NPNT: variants seen among roughly 807,000 people sequenced by gnomAD.
NPNT encodes preosteoblast EGF-like repeat protein with MAM domain.
A neutral mutation model predicts 68.6 loss-of-function variants in NPNT; 45 were observed. That is an observed-to-expected ratio of 0.66 (90% CI 0.52 to 0.84). NPNT has a LOEUF of 0.84. NPNT is among the 40% of genes least tolerant of loss of function. The pLI, the probability that NPNT is intolerant of heterozygous loss-of-function variation, is 0.00. For missense variants in NPNT, 672 were observed against 714.8 expected, an observed-to-expected ratio of 0.94 and a Z score of 0.68; for synonymous variants, 233 against 253.3, an observed-to-expected ratio of 0.92 and a Z score of 0.76.
At chr4:105,958,433 A>G in intron 8 of NPNT, 38 bp from the exon 9 acceptor site, 2 of 1,230,030 alleles carry the variant, frequency 1.6e-6, no homozygotes, top group Non-Finnish European at 2.4e-6. Flanking sequence ...TACTTCACAC[A>G]CACACACACA....
chr4:105,968,159 G>C (rs556910559), intron 11 of NPNT, among the ~76,000 whole-genome samples: 19 of 152,174 alleles, frequency 1.2e-4, no homozygotes, highest in African/African-American at 4.1e-4. Flanking sequence ...CCTGTATGTA[G>C]GTATAGTTTA....
rs73836924 is a variant in NPNT, at chr4:105,958,422, A to G, written c.1160-49A>G. On this transcript the variant is annotated intron_variant, in intron 8 of 11. Coordinates refer to ENST00000379987, the MANE Select transcript of NPNT (RefSeq NM_001033047.3). ...TGTTAAAGGTAATGCCTCTTTATCA[A>G]TACTTCACACACACACACACACAAA... 0.069 allele frequency: 75,816 copies of G among 1,095,310 alleles called. 3,169 individuals carry two copies. The highest frequency in any genetic ancestry group is 0.15 in the African/African-American group (9,665 of 64,230). 67.8% of individuals were successfully genotyped at this position (1,095,310 alleles called of 1,614,324 possible). A position where few individuals can be genotyped will look rare whatever the true frequency, so the allele number is the denominator to read the frequency against.
intron 8 of NPNT, among the ~76,000 whole-genome samples, chr4:105,955,265 G>T (rs1731130001): frequency 6.6e-6 from 1 of 152,140 alleles, no homozygotes; most frequent in Non-Finnish European, 1.5e-5. Flanking sequence ...ATGTACCAAT[G>T]TCTATCCTGG....
intron 1 of NPNT, 171 bp downstream of exon 1, chr4:105,895,894 C>T (rs575206476): frequency 8.2e-6 from 5 of 611,048 alleles, no homozygotes; most frequent in Non-Finnish European, 1.1e-5. Flanking sequence ...GCTCCGAGTG[C>T]CCGCCCGAGG....
intron 3 of NPNT, among the ~76,000 whole-genome samples, chr4:105,936,698 C>A (rs536065624): frequency 1.3e-5 from 2 of 152,300 alleles, no homozygotes; most frequent in East Asian, 1.9e-4. Context: ...GATAGAGCAT[C>A]TCTGCCCATG....
chr4:105,915,250 C>A (rs954860547), intron 2 of NPNT, among the ~76,000 whole-genome samples: 13 of 152,158 alleles, frequency 8.5e-5, no homozygotes, highest in African/African-American at 2.9e-4. Context: ...TGCCTGGGAC[C>A]TGTAGGAAGT....
intron 8 of NPNT, among the ~76,000 whole-genome samples, chr4:105,952,086 A>G (rs1209430077): frequency 3.3e-5 from 5 of 152,170 alleles, no homozygotes; most frequent in Non-Finnish European, 7.3e-5. Flanking sequence ...TACTGCTACT[A>G]TTGATGTTGA....
At chr4:105,954,148 T>C (rs1024798377) in intron 8 of NPNT, among the ~76,000 whole-genome samples, 3 of 152,242 alleles carry the variant, frequency 2.0e-5, no homozygotes, top group Non-Finnish European at 4.4e-5. Context: ...AGAACTTTCC[T>C]GCTCCTTTTT....
chr4:105,968,377 T>C (rs1732337861), intron 11 of NPNT, among the ~76,000 whole-genome samples: 2 of 152,230 alleles, frequency 1.3e-5, no homozygotes, highest in African/African-American at 4.8e-5. Flanking sequence ...CTATAGAAAA[T>C]ATAATGTAAG....
intron 8 of NPNT, among the ~76,000 whole-genome samples, chr4:105,952,919 G>A (rs1325318289): frequency 6.6e-6 from 1 of 152,200 alleles, no homozygotes; most frequent in African/African-American, 2.4e-5. Flanking sequence ...TTAGAAGAGA[G>A]GAGAAGGGGA....
At chr4:105,928,813 A>G (rs1728892133) in intron 3 of NPNT, among the ~76,000 whole-genome samples, 1 of 152,046 alleles carries the variant, frequency 6.6e-6, no homozygotes, top group Admixed American at 6.6e-5. Flanking sequence ...TTACATACTT[A>G]CTTGACCTCA....
chr4:105,896,516 T>C (rs1725863167), intron 1 of NPNT, among the ~76,000 whole-genome samples: 1 of 152,168 alleles, frequency 6.6e-6, no homozygotes. Context: ...CTCACCTCTG[T>C]GCAATTACAG....
intron 2 of NPNT, 135 bp from the exon 3 acceptor site, chr4:105,927,201 A>G (rs1728750422): frequency 1.7e-6 from 1 of 577,646 alleles, no homozygotes; most frequent in Non-Finnish European, 3.1e-6. Flanking sequence ...TAGGAAACTG[A>G]TTTTGTATAC....
chr4:105,957,813 A>G (rs1189383812), intron 8 of NPNT, among the ~76,000 whole-genome samples: 1 of 152,166 alleles, frequency 6.6e-6, no homozygotes, highest in Non-Finnish European at 1.5e-5. Context: ...GATTTTTGGC[A>G]GGTTAATTAG....
chr4:105,903,498 G>T (rs370250092), intron 2 of NPNT, among the ~76,000 whole-genome samples: 1 of 152,054 alleles, frequency 6.6e-6, no homozygotes, highest in Non-Finnish European at 1.5e-5. Context: ...CATTGATTTT[G>T]TGCAATATTT....
At chr4:105,960,950 T>C (rs1731674899) in intron 10 of NPNT, among the ~76,000 whole-genome samples, 1 of 152,200 alleles carries the variant, frequency 6.6e-6, no homozygotes, top group East Asian at 1.9e-4. Context: ...ATAAAAGTAT[T>C]TTTTTAAATC....
chr4:105,948,981 T>G (rs757089342), intron 8 of NPNT, among the ~76,000 whole-genome samples: 1 of 152,162 alleles, frequency 6.6e-6, no homozygotes, highest in Non-Finnish European at 1.5e-5. Flanking sequence ...ACAGGGCTAA[T>G]CCGGTGGGCA....
chr4:105,947,965 C>T (rs1039128143), intron 8 of NPNT, among the ~76,000 whole-genome samples: 1 of 152,028 alleles, frequency 6.6e-6, no homozygotes, highest in South Asian at 2.1e-4. Context: ...AGTGGGCAGT[C>T]AAAAATATTT....
intron 2 of NPNT, among the ~76,000 whole-genome samples, chr4:105,916,520 C>T (rs1433362352): frequency 1.3e-5 from 2 of 152,096 alleles, no homozygotes; most frequent in Admixed American, 6.5e-5. Context: ...CTGTACCCAG[C>T]CAAGCACATT....
Sources: gnomAD v4.1 joint callset for allele counts (sites outside exome capture counted in the v4.1 genomes callset) on GRCh38, gnomAD v4.1.1 for gene constraint, MANE v1.5 for transcripts, NCBI Gene and HGNC (gene_info 2026-07-23, HGNC 2026-07-21) for gene names.